CYSLTR2: variants seen among roughly 807,000 people sequenced by gnomAD.
CYSLTR2 encodes the protein G-protein coupled receptor GPCR21.
For missense variants in CYSLTR2, 398 were observed against 411.9 expected (o/e 0.97, Z 0.29); for synonymous variants, 179 against 160.8 (o/e 1.11, Z -0.86).
At position 48,678,051 on chromosome 13, in the gene CYSLTR2, G is replaced by T. The variant is rs1953648346; in HGVS notation, c.-265-13161G>T. Among the ~76,000 whole-genome samples, 3 of 152,082 alleles carry T rather than the reference G, an allele frequency of 2.0e-5. No homozygotes were observed. In the South Asian group the frequency reaches 6.2e-4, roughly 32 times the overall value. ...CACATTTCTCCATACCAAGGAATTG[G>T]GGTTTCATCCTGAGGGCAGTGAGAG... On this transcript the variant is annotated intron_variant, in intron 1 of 4. Coordinates refer to ENST00000682523, the MANE Select transcript of CYSLTR2 (RefSeq NM_001308476.3).
chr13:48,687,159 C>T (rs1953914014), intron 1 of CYSLTR2, among the ~76,000 whole-genome samples: 3 of 152,110 alleles, frequency 2.0e-5, no homozygotes, highest in Admixed American at 6.5e-5. Flanking sequence ...AGTGGGCCCC[C>T]GGGTTCTCAG....
At chr13:48,703,712 C>A (rs370341876) in intron 4 of CYSLTR2, among the ~76,000 whole-genome samples, 1 of 151,976 alleles carries the variant, frequency 6.6e-6, no homozygotes, top group African/African-American at 2.4e-5. Flanking sequence ...AACTTTGCCT[C>A]GTTTTGGTAT....
intron 4 of CYSLTR2, among the ~76,000 whole-genome samples, chr13:48,701,981 A>G (rs891197052): frequency 1.3e-5 from 2 of 152,156 alleles, no homozygotes; most frequent in African/African-American, 4.8e-5. Context: ...TTGTGGCACT[A>G]TTCACAATAG....
At chr13:48,677,828 C>T (rs1323382893) in intron 1 of CYSLTR2, among the ~76,000 whole-genome samples, 1 of 151,928 alleles carries the variant, frequency 6.6e-6, no homozygotes, top group Non-Finnish European at 1.5e-5. Flanking sequence ...TACACCACCC[C>T]TCTACTGATA....
In CYSLTR2 at chr13:48,707,788, A is replaced by G; in HGVS notation, c.971A>G (p.His324Arg). The change falls in exon 5 of 5, where the codon CAT becomes CGT. Residue 324 changes from histidine (H) to arginine (R), a missense_variant. Transcript: ENST00000682523. Reference protein sequence around the residue: ...DRLKSALRKGHPQKAKTKCVF... With the variant: ...DRLKSALRKGRPQKAKTKCVF... ...CTAAAGTCTGCACTCAGAAAAGGCC[A>G]TCCACAGAAGGCAAAGACAAAGTGT... The G allele has an allele frequency of 6.4e-7, 1 of 1,568,966 alleles. No homozygotes were observed.
At chr13:48,672,477 T>G (rs1366139876) in intron 1 of CYSLTR2, among the ~76,000 whole-genome samples, 2 of 152,214 alleles carry the variant, frequency 1.3e-5, no homozygotes, top group Non-Finnish European at 2.9e-5. Flanking sequence ...TGATACATTG[T>G]GTCTTTGTTC....
At chr13:48,663,884 G>A (rs1953191997) in intron 1 of CYSLTR2, among the ~76,000 whole-genome samples, 1 of 152,006 alleles carries the variant, frequency 6.6e-6, no homozygotes, top group South Asian at 2.1e-4. Flanking sequence ...AGTGGTGAGA[G>A]TAAGCATCAT....
chr13:48,654,038 TTTG>T (rs1374699349), intron 1 of CYSLTR2, 21 bp downstream of exon 1: 1 of 152,184 alleles, frequency 6.6e-6, no homozygotes, highest in Non-Finnish European at 1.5e-5. Context: ...TAATCTTTGT[TTTG>T]TTAATTCAGT....
intron 1 of CYSLTR2, among the ~76,000 whole-genome samples, chr13:48,659,442 C>T (rs1953075270): frequency 6.6e-6 from 1 of 152,174 alleles, no homozygotes; most frequent in Non-Finnish European, 1.5e-5. Flanking sequence ...CGCAATGTCT[C>T]TATGTCATTT....
chr13:48,707,291 C>A lies in CYSLTR2; in HGVS notation c.474C>A (p.Leu158=), dbSNP rs201194474. 2.4e-5 allele frequency: 39 copies of A among 1,613,918 alleles called. No homozygotes were observed. In the Middle Eastern group the frequency reaches 9.9e-4, roughly 41 times the overall value. Residue 158 remains leucine (L), a synonymous_variant, in exon 5 of 5, where the codon CTC becomes CTA. Transcript: ENST00000682523. ...HVTSIRSAWI[L]CGIIWILIMA... The stretch of plus-strand genomic sequence containing the variant: ...CCAGCATCAGGAGTGCCTGGATCCT[C>A]TGTGGGATCATATGGATCCTTATCA...
chr13:48,662,372 C>A (rs1305982152), intron 1 of CYSLTR2, among the ~76,000 whole-genome samples: 1 of 152,136 alleles, frequency 6.6e-6, no homozygotes, highest in Non-Finnish European at 1.5e-5. Flanking sequence ...GGCAAGTACC[C>A]ACAAGTGAGA....
chr13:48,668,295 A>AT lies in CYSLTR2; in HGVS notation c.-266+14279dup, dbSNP rs1953320304. ...TTGCTAAGGTGATCTGCAGAAGGCA[A>AT]TGTAGATGTTGAAGAAGGTTATTTG... On this transcript the variant is annotated intron_variant, in intron 1 of 4. Transcript: ENST00000682523. Among the ~76,000 whole-genome samples, 4 of 151,944 alleles carry AT rather than the reference A, an allele frequency of 2.6e-5. No individual in the cohort carries two copies. In the South Asian group the frequency reaches 8.3e-4, roughly 32 times the overall value.
At chr13:48,681,391 G>A (rs575992516) in intron 1 of CYSLTR2, among the ~76,000 whole-genome samples, 329 of 152,272 alleles carry the variant, frequency 2.2e-3, no homozygotes, top group African/African-American at 7.7e-3. Flanking sequence ...GTCTAATTCA[G>A]AATTCGGGAC....
chr13:48,695,068 A>ATTTTTTTTTTTTTTTTTTTTTTTTTTT (rs869282546), intron 3 of CYSLTR2, among the ~76,000 whole-genome samples: 10 of 71,618 alleles, frequency 1.4e-4, no homozygotes, highest in African/African-American at 6.1e-4. Flanking sequence ...AGAACCTGGC[A>ATTTTTTTTTTTTTTTTTTTTTTTTTTT]TTTTTTTTTT....
intron 1 of CYSLTR2, among the ~76,000 whole-genome samples, chr13:48,675,438 T>G (rs1291486221): frequency 6.6e-6 from 1 of 152,084 alleles, no homozygotes; most frequent in East Asian, 1.9e-4. Context: ...TTGTTTACAC[T>G]GTGAGGGGAA....
At chr13:48,701,595 G>A (rs915015304) in intron 4 of CYSLTR2, among the ~76,000 whole-genome samples, 1 of 152,146 alleles carries the variant, frequency 6.6e-6, no homozygotes, top group Admixed American at 6.5e-5. Flanking sequence ...CAAAAAGTGG[G>A]CAAAGGATAT....
intron 1 of CYSLTR2, among the ~76,000 whole-genome samples, chr13:48,654,406 A>G (rs897041633): frequency 1.3e-5 from 2 of 151,774 alleles, no homozygotes; most frequent in African/African-American, 4.8e-5. Context: ...ATATCAGTCT[A>G]TGGTTTTTCC....
intron 1 of CYSLTR2, among the ~76,000 whole-genome samples, chr13:48,670,539 C>A (rs1593951457): frequency 6.6e-6 from 1 of 152,084 alleles, no homozygotes; most frequent in Non-Finnish European, 1.5e-5. Context: ...TAGGAAATCC[C>A]TTCCCCATTG....
chr13:48,688,270 T>C (rs916779086), intron 1 of CYSLTR2, among the ~76,000 whole-genome samples: 3 of 151,954 alleles, frequency 2.0e-5, no homozygotes, highest in African/African-American at 2.4e-5. Context: ...CTCTTCTTCT[T>C]TTTTTTTAAT....
Sources: allele counts gnomAD v4.1 joint callset (sites outside exome capture counted in the v4.1 genomes callset), GRCh38; gene constraint gnomAD v4.1.1; transcripts MANE v1.5; gene names NCBI Gene and HGNC (gene_info 2026-07-23, HGNC 2026-07-21).